VPS13C: variants seen among roughly 807,000 people sequenced by gnomAD.
VPS13C encodes the protein intermembrane lipid transfer protein VPS13C.
A neutral mutation model predicts 456.8 loss-of-function variants in VPS13C; 358 were observed. The observed-to-expected ratio is 0.78, with a 90% confidence interval of 0.72 to 0.86. VPS13C has a LOEUF of 0.86. Ranked by LOEUF, VPS13C falls within the 40% of genes least tolerant of loss-of-function variation. VPS13C has a pLI of 0.00. For synonymous variants in VPS13C, 1,578 were observed against 1,486.7 expected (o/e 1.06, Z -1.41); for missense variants, 4,818 against 4,385.4 (o/e 1.10, Z -2.79).
chr15:61,928,892 T>G (rs531733052), intron 51 of VPS13C, among the ~76,000 whole-genome samples: 23 of 136,732 alleles, frequency 1.7e-4, no homozygotes, highest in African/African-American at 6.3e-4. Context: ...TCGAAAAAAA[T>G]TTTAAAAAAA....
chr15:61,857,859 G>A (rs532408475), intron 82 of VPS13C, among the ~76,000 whole-genome samples: 2 of 152,278 alleles, frequency 1.3e-5, no homozygotes, highest in East Asian at 3.9e-4. Flanking sequence ...GTGGAGAACT[G>A]AAATAGATCC....
chr15:62,027,666 C>T (rs2047681167), intron 6 of VPS13C, among the ~76,000 whole-genome samples: 1 of 152,018 alleles, frequency 6.6e-6, no homozygotes, highest in Non-Finnish European at 1.5e-5. Context: ...GTTCATCTAA[C>T]AAGCTCTTGA....
intron 16 of VPS13C, 140 bp downstream of exon 16, chr15:62,000,424 C>T (rs1443828609): frequency 1.5e-5 from 11 of 720,934 alleles, no homozygotes; most frequent in African/African-American, 5.7e-5. Flanking sequence ...GGCTTTTTTT[C>T]AGTACTCCAG....
At chr15:62,056,532 T>G (rs1417679742) in intron 1 of VPS13C, among the ~76,000 whole-genome samples, 1 of 152,032 alleles carries the variant, frequency 6.6e-6, no homozygotes, top group Admixed American at 6.5e-5. Context: ...GCGAAAAGTG[T>G]CAAGGAAAAA....
intron 46 of VPS13C, 24 bp downstream of exon 46, chr15:61,941,739 C>T: frequency 6.4e-7 from 1 of 1,566,492 alleles, no homozygotes; most frequent in South Asian, 1.2e-5. Flanking sequence ...GTAAGCAATA[C>T]ACAATTAGAT....
intron 59 of VPS13C, 29 bp downstream of exon 59, chr15:61,918,107 A>T: frequency 6.5e-7 from 1 of 1,548,368 alleles, no homozygotes; most frequent in Non-Finnish European, 8.7e-7. Flanking sequence ...CAATACATTT[A>T]AAGTTTAATA....
intron 1 of VPS13C, among the ~76,000 whole-genome samples, chr15:62,050,627 G>C (rs1238757836): frequency 1.3e-5 from 2 of 151,998 alleles, no homozygotes; most frequent in Non-Finnish European, 2.9e-5. Context: ...GCGAAACCCT[G>C]TCTCTACCTA....
chr15:61,866,659 G>A (rs1894617210), intron 81 of VPS13C: 2 of 985,084 alleles, frequency 2.0e-6, no homozygotes, highest in Non-Finnish European at 2.4e-6. Flanking sequence ...AGAAAGGTTT[G>A]TCAGCTACTT....
At chr15:61,960,881 G>A (rs1432155859) in intron 35 of VPS13C, among the ~76,000 whole-genome samples, 1 of 152,118 alleles carries the variant, frequency 6.6e-6, no homozygotes, top group Non-Finnish European at 1.5e-5. Context: ...TTTGAGACTA[G>A]CCTGGCCAAC....
At chr15:61,924,621 C>A (rs1275851138) in intron 53 of VPS13C, among the ~76,000 whole-genome samples, 1 of 152,140 alleles carries the variant, frequency 6.6e-6, no homozygotes, top group South Asian at 2.1e-4. Flanking sequence ...TCATTTACTA[C>A]TTTATATATT....
chr15:61,885,723 ACTAAGT>A (rs1896214848), intron 67 of VPS13C, among the ~76,000 whole-genome samples: 1 of 152,158 alleles, frequency 6.6e-6, no homozygotes, highest in African/African-American at 2.4e-5. Flanking sequence ...AATTTGTCCA[ACTAAGT>A]CTTTTTCTGT....
intron 9 of VPS13C, among the ~76,000 whole-genome samples, chr15:62,014,197 G>A (rs1394326232): frequency 6.6e-6 from 1 of 150,614 alleles, no homozygotes; most frequent in African/African-American, 2.5e-5. Context: ...TCTAATTTGA[G>A]TTCATTCATT....
In VPS13C at chr15:61,880,592, T is replaced by C. The variant is rs756203605; in HGVS notation, c.10002+17A>G. ...CAATAATTTCACTAAATTTTCAAAA[T>C]AATAATTACAACAAACCTTCACAGG... On this transcript the variant is annotated intron_variant, in intron 73 of 84. Coordinates refer to ENST00000644861, the MANE Select transcript of VPS13C (RefSeq NM_020821.3). 8.6e-6 allele frequency: 13 copies of C among 1,506,948 alleles called. No individual in the cohort carries two copies. The East Asian group carries it at 3.0e-4, about 35-fold the overall frequency. 93.3% of individuals were successfully genotyped at this position (1,506,948 alleles called of 1,614,324 possible). A position where few individuals can be genotyped will look rare whatever the true frequency, so the allele number is the denominator to read the frequency against.
intron 49 of VPS13C, among the ~76,000 whole-genome samples, chr15:61,932,381 G>GA (rs1455118609): frequency 6.6e-6 from 1 of 152,024 alleles, no homozygotes; most frequent in African/African-American, 2.4e-5. Context: ...GAATGGTAGG[G>GA]AAAAAACTAG....
chr15:62,024,819 C>T (rs983852819), intron 6 of VPS13C, among the ~76,000 whole-genome samples: 2 of 152,026 alleles, frequency 1.3e-5, no homozygotes, highest in South Asian at 2.1e-4. Flanking sequence ...TTCTACTTTC[C>T]CAAACAAGCC....
intron 60 of VPS13C, among the ~76,000 whole-genome samples, chr15:61,917,108 T>C (rs1311094454): frequency 6.6e-6 from 1 of 152,138 alleles, no homozygotes; most frequent in African/African-American, 2.4e-5. Context: ...TAATAGTACC[T>C]ACATCAGGAG....
chr15:62,035,628 C>G (rs994122636), intron 3 of VPS13C, among the ~76,000 whole-genome samples: 3 of 151,848 alleles, frequency 2.0e-5, no homozygotes, highest in Non-Finnish European at 4.4e-5. Context: ...TGACAGCATA[C>G]CAAATTGTCA....
intron 57 of VPS13C, 96 bp from the exon 58 acceptor site, chr15:61,919,545 T>C: frequency 8.1e-7 from 1 of 1,228,730 alleles, no homozygotes; most frequent in African/African-American, 1.6e-5. Context: ...AAGAGTATTT[T>C]TCCTCATCAC....
intron 38 of VPS13C, among the ~76,000 whole-genome samples, chr15:61,953,227 ATTTAT>A (rs893986665): frequency 2.7e-4 from 41 of 151,362 alleles, no homozygotes; most frequent in South Asian, 8.4e-4. Context: ...ATTTTTTTTA[ATTTAT>A]TTTATTTTAT....
Sources: allele counts gnomAD v4.1 joint callset (sites outside exome capture counted in the v4.1 genomes callset), GRCh38; gene constraint gnomAD v4.1.1; transcripts MANE v1.5; gene names NCBI Gene and HGNC (gene_info 2026-07-23, HGNC 2026-07-21).